Variants in SLC25A37 observed in about 807,000 individuals in gnomAD.
SLC25A37 encodes the protein solute carrier family 25 member 37.
A neutral mutation model predicts 31.0 loss-of-function variants in SLC25A37; 17 were observed. That is an observed-to-expected ratio of 0.55 (90% confidence interval 0.38 to 0.82). The LOEUF is 0.82. Ranked by LOEUF, SLC25A37 falls within the 40% of genes least tolerant of loss-of-function variation. The pLI, the probability that SLC25A37 is intolerant of heterozygous loss-of-function variation, is 0.00. For synonymous variants in SLC25A37, 222 were observed against 193.0 expected (o/e 1.15, Z -1.24); for missense variants, 404 against 465.8 (o/e 0.87, Z 1.22).
At chr8:23,568,569 T>C in intron 3 of SLC25A37, 191 bp downstream of exon 3, 1 of 629,074 alleles carries the variant, frequency 1.6e-6, no homozygotes, top group Non-Finnish European at 2.8e-6. Flanking sequence ...TAAGAGTTTT[T>C]GGTATTCCTG....
chr8:23,560,872 G>A (rs1802497925), intron 1 of SLC25A37, among the ~76,000 whole-genome samples: 1 of 152,186 alleles, frequency 6.6e-6, no homozygotes, highest in Non-Finnish European at 1.5e-5. Flanking sequence ...GAGGGCTCTG[G>A]TAACGTCAGT....
intron 2 of SLC25A37, 75 bp from the exon 3 acceptor site, chr8:23,568,247 G>A (rs755269208): frequency 1.9e-5 from 29 of 1,536,996 alleles, no homozygotes; most frequent in Admixed American, 1.2e-4. Flanking sequence ...CCTGGGTTCC[G>A]TCTGATTTTA....
intron 1 of SLC25A37, among the ~76,000 whole-genome samples, chr8:23,531,216 C>T (rs898026528): frequency 2.0e-5 from 3 of 152,244 alleles, no homozygotes; most frequent in African/African-American, 7.2e-5. Flanking sequence ...CTGCCAACAT[C>T]AGCACAGTTG....
In SLC25A37 at chr8:23,572,037, C is replaced by A; in HGVS notation, c.*182C>A. ...CTCACCGGAAGGCTGTGTGCGGGGA[C>A]ATCCGAGGTGGTGGTGGACAGGAAG... On this transcript the variant is annotated 3_prime_UTR_variant, in exon 4 of 4. Coordinates refer to ENST00000519973, the MANE Select transcript of SLC25A37 (RefSeq NM_016612.4). 1 of 659,844 alleles carries A rather than the reference C, an allele frequency of 1.5e-6. No homozygotes were observed. Among genetic ancestry groups the A allele is most frequent in the Non-Finnish European group, 2.5e-6 (1 of 396,524 alleles). 40.9% of individuals were successfully genotyped at this position (659,844 alleles called of 1,614,324 possible).
At position 23,572,108 on chromosome 8, in the gene SLC25A37, G is replaced by A. The variant is rs1273546110; in HGVS notation, c.*253G>A. The A allele has an allele frequency of 2.4e-6, 1 of 409,764 alleles. No homozygotes were observed. Among genetic ancestry groups the A allele is most frequent in the Non-Finnish European group, 4.3e-6 (1 of 230,392 alleles). 25.4% of individuals were successfully genotyped at this position (409,764 alleles called of 1,614,324 possible). A position where few individuals can be genotyped will look rare whatever the true frequency, so the allele number is the denominator to read the frequency against. On this transcript the variant is annotated 3_prime_UTR_variant, in exon 4 of 4. Coordinates refer to ENST00000519973, the MANE Select transcript of SLC25A37 (RefSeq NM_016612.4). Reference sequence around the variant, plus strand: ...AAATTGCTTTTTCTCTTCCTCCCTGGGCAGAATGTAGCTTTTCTGCTTCAC... The same window carrying A: ...AAATTGCTTTTTCTCTTCCTCCCTGAGCAGAATGTAGCTTTTCTGCTTCAC...
chr8:23,563,495 C>T (rs1802568688), intron 1 of SLC25A37, among the ~76,000 whole-genome samples: 1 of 152,200 alleles, frequency 6.6e-6, no homozygotes, highest in Non-Finnish European at 1.5e-5. Flanking sequence ...CCTAATGTAT[C>T]ATCTTATTAA....
In SLC25A37 at chr8:23,546,529, GTGTATATA is replaced by G. The variant is rs1173137806; in HGVS notation, c.210+17319_210+17326del. Among the ~76,000 whole-genome samples the G allele has an allele frequency of 8.9e-4, 57 of 64,242 alleles. 3 individuals carry two copies. Among genetic ancestry groups the G allele is most frequent in the South Asian group, 2.4e-3 (5 of 2,124 alleles). 42.1% of individuals were successfully genotyped at this position (64,242 alleles called of 152,430 possible). On this transcript the variant is annotated intron_variant, in intron 1 of 3. Coordinates refer to ENST00000519973, the MANE Select transcript of SLC25A37 (RefSeq NM_016612.4). ...TATATATAGGTATATATATATATAG[GTGTATATA>G]TATATATATATATATAGTGTATATA...
intron 1 of SLC25A37, among the ~76,000 whole-genome samples, chr8:23,534,522 T>A (rs1285158558): frequency 1.3e-5 from 2 of 152,178 alleles, no homozygotes; most frequent in African/African-American, 2.4e-5. Flanking sequence ...TTGTGGAAGT[T>A]CCTTGTTAAC....
At chr8:23,546,620 G>A (rs187055391) in intron 1 of SLC25A37, among the ~76,000 whole-genome samples, 26,571 of 133,262 alleles carry the variant, frequency 0.2, 3,193 homozygotes, top group South Asian at 0.29. Flanking sequence ...GTGTGTGTGT[G>A]TATATATATA....
chr8:23,548,177 C>G (rs1477892629), intron 1 of SLC25A37, among the ~76,000 whole-genome samples: 3 of 152,042 alleles, frequency 2.0e-5, no homozygotes, highest in African/African-American at 7.2e-5. Flanking sequence ...TTTCTTCTCT[C>G]TTTCTTTCTT....
intron 1 of SLC25A37, among the ~76,000 whole-genome samples, chr8:23,562,313 G>T (rs533266864): frequency 6.6e-6 from 1 of 152,288 alleles, no homozygotes; most frequent in South Asian, 2.1e-4. Context: ...TGAGAAATGC[G>T]GTGACACGTG....
chr8:23,550,095 C>T lies in SLC25A37; in HGVS notation c.211-16013C>T, dbSNP rs1442353029. On this transcript the variant is annotated intron_variant, in intron 1 of 3. Transcript: ENST00000519973. Reference sequence around the variant, plus strand: ...ACTTGGGAGGCTGAGGCAGGAGAATCGCTTGAACCCGGGAGGCGGAGGTTG... The same window carrying T: ...ACTTGGGAGGCTGAGGCAGGAGAATTGCTTGAACCCGGGAGGCGGAGGTTG... 3.8e-5 allele frequency among the ~76,000 whole-genome samples: 5 copies of T among 132,236 alleles called. 1 individual carries two copies. Among genetic ancestry groups the T allele is most frequent in the African/African-American group, 1.1e-4 (3 of 28,212 alleles). The allele number at this position is 132,236 out of a possible 152,430, so 86.8% of individuals were successfully genotyped here. A position where few individuals can be genotyped will look rare whatever the true frequency, so the allele number is the denominator to read the frequency against.
At chr8:23,547,356 CAT>C (rs2117411711) in intron 1 of SLC25A37, among the ~76,000 whole-genome samples, 1 of 152,292 alleles carries the variant, frequency 6.6e-6, no homozygotes, top group African/African-American at 2.4e-5. Flanking sequence ...TAGATACACA[CAT>C]ATAAGTCTTG....
At chr8:23,546,597 AGTGTATG>A (rs1563256317) in intron 1 of SLC25A37, among the ~76,000 whole-genome samples, 2 of 60,754 alleles carry the variant, frequency 3.3e-5, no homozygotes, top group African/African-American at 2.5e-4. Context: ...ATATATATAT[AGTGTATG>A]TGTGTGTGTG....
At chr8:23,546,535 A>ATATATATATATATATATATATAGGTG (rs1563255927) in intron 1 of SLC25A37, among the ~76,000 whole-genome samples, 1 of 16,292 alleles carries the variant, frequency 6.1e-5, no homozygotes, top group African/African-American at 4.1e-4. Flanking sequence ...ATAGGTGTAT[A>ATATATATATATATATATATATAGGTG]TATATATATA....
chr8:23,537,261 CTTTG>C (rs1462026732), intron 1 of SLC25A37, among the ~76,000 whole-genome samples: 4 of 151,328 alleles, frequency 2.6e-5, no homozygotes, highest in African/African-American at 9.7e-5. Context: ...CCCATTGCTG[CTTTG>C]TTTTTCTCCC....
At chr8:23,541,439 A>G (rs570108907) in intron 1 of SLC25A37, 5 of 152,426 alleles carry the variant, frequency 3.3e-5, no homozygotes, top group Admixed American at 6.5e-5. Context: ...GCTCTTCCCC[A>G]GTTTGGCCTT....
Position 23,572,187 on chromosome 8 carries a change from C to T in SLC25A37, c.*332C>T. The T allele has an allele frequency of 8.9e-6, 1 of 111,732 alleles. No homozygotes were observed. The highest frequency in any genetic ancestry group is 1.5e-5 in the Non-Finnish European group (1 of 65,032). The allele number at this position is 111,732 out of a possible 1,614,324, so 6.9% of individuals were successfully genotyped here. A position where few individuals can be genotyped will look rare whatever the true frequency, so the allele number is the denominator to read the frequency against. On this transcript the variant is annotated 3_prime_UTR_variant, in exon 4 of 4. Transcript: ENST00000519973. ...ATCCCAGAGGAGGGAAGAAAATTTGCAGTGACTGAAAACAGTAAAAAAAAA... is the reference window on the plus strand; with the variant it reads ...ATCCCAGAGGAGGGAAGAAAATTTGTAGTGACTGAAAACAGTAAAAAAAAA...
chr8:23,568,525 A>G (rs1320475333), intron 3 of SLC25A37, 147 bp downstream of exon 3: 2 of 864,908 alleles, frequency 2.3e-6, no homozygotes, highest in East Asian at 2.4e-5. Context: ...ATTTTTTACT[A>G]CGTTATCAAA....
Sources: gnomAD v4.1 joint callset for allele counts (sites outside exome capture counted in the v4.1 genomes callset) on GRCh38, gnomAD v4.1.1 for gene constraint, MANE v1.5 for transcripts, NCBI Gene and HGNC (gene_info 2026-07-23, HGNC 2026-07-21) for gene names.